Variants in DCDC2C observed in about 807,000 individuals in gnomAD.
DCDC2C encodes the protein doublecortin domain-containing protein 2C.
A neutral mutation model predicts 45.0 loss-of-function variants in DCDC2C; 44 were observed. The ratio of observed to expected loss-of-function variants is 0.98; its 90% CI spans 0.77 to 1.26. The LOEUF (loss-of-function observed/expected upper bound fraction) is 1.26. Among genes scored for constraint, DCDC2C ranks in the 50% most tolerant of loss-of-function variants. The probability of loss-of-function intolerance (pLI) is 0.00; values close to 1 mark genes in which losing one functional copy is unlikely to be tolerated. For missense variants in DCDC2C, 447 were observed against 468.9 expected (o/e 0.95, Z 0.43); for synonymous variants, 187 against 178.8 (o/e 1.05, Z -0.37).
At chr2:3,805,518 A>T (rs1412889177) in intron 10 of DCDC2C, among the ~76,000 whole-genome samples, 3 of 152,220 alleles carry the variant, frequency 2.0e-5, no homozygotes, top group Non-Finnish European at 4.4e-5. Context: ...GCTGCCTTGC[A>T]TCAGCTGCAG....
rs1024492960 is a variant in DCDC2C, at chr2:3,761,388, C to T, written c.727-6366C>T. ...AATTAAGGAGGTGCGTGTGTGTGTG[C>T]GTGTGTGTGTGCGTGAAAACAGTTG... On this transcript the variant is annotated intron_variant, in intron 6 of 10. Transcript: ENST00000399143. The surrounding 1 kb of genome is among the most constrained non-coding windows in gnomAD (Gnocchi z 4.3). Among the ~76,000 whole-genome samples the T allele has an allele frequency of 3.3e-5, 5 of 151,840 alleles. No homozygotes were observed. The highest frequency in any genetic ancestry group is 4.8e-5 in the African/African-American group (2 of 41,352).
In DCDC2C at chr2:3,722,529, G is replaced by A. The variant is rs76011901; in HGVS notation, c.340-4474G>A. The stretch of plus-strand genomic sequence containing the variant: ...CACCTGTGGTCATCTTGAGTCTTCC[G>A]TCTTTGATTTAGATTTGGTTGAATT... On this transcript the variant is annotated intron_variant, in intron 2 of 10. Transcript: ENST00000399143. 5.2e-3 allele frequency among the ~76,000 whole-genome samples: 794 copies of A among 152,260 alleles called. 25 individuals are homozygous for A. In the East Asian group the frequency reaches 0.1, roughly 19 times the overall value.
intron 8 of DCDC2C, among the ~76,000 whole-genome samples, chr2:3,770,951 C>T (rs1670147790): frequency 6.6e-6 from 1 of 152,190 alleles, no homozygotes. Flanking sequence ...GGAGGGGCTT[C>T]CAGAAAGCGT....
rs561991567 is a variant in DCDC2C, at chr2:3,820,386, A to G, written c.1066-26768A>G. On this transcript the variant is annotated intron_variant, in intron 10 of 10. Coordinates refer to ENST00000399143, the MANE Select transcript of DCDC2C (RefSeq NM_001287444.2). The stretch of plus-strand genomic sequence containing the variant: ...GGGAATGGAGGGTGGAAAGTTGCCC[A>G]TAATGAAGCAGGCAAGCCCAGAGAA... Among the ~76,000 whole-genome samples, 51 of 152,304 alleles carry G rather than the reference A, an allele frequency of 3.3e-4. No individual in the cohort carries two copies. In the Middle Eastern group the frequency reaches 0.014, roughly 41 times the overall value.
At chr2:3,845,148 C>T (rs185420810) in intron 10 of DCDC2C, among the ~76,000 whole-genome samples, 14 of 152,240 alleles carry the variant, frequency 9.2e-5, no homozygotes, top group South Asian at 4.2e-4. Context: ...AGGGTATGCA[C>T]GAGGTCTGTG....
intron 4 of DCDC2C, among the ~76,000 whole-genome samples, chr2:3,744,096 C>G (rs560193596): frequency 6.8e-6 from 1 of 146,732 alleles, no homozygotes; most frequent in African/African-American, 2.7e-5. Context: ...GGAGGATTGC[C>G]GAGCAGGGTT....
intron 8 of DCDC2C, among the ~76,000 whole-genome samples, chr2:3,771,593 C>A (rs1299013871): frequency 6.6e-6 from 1 of 152,260 alleles, no homozygotes; most frequent in Non-Finnish European, 1.5e-5. Flanking sequence ...TAGGACTCTT[C>A]ATGACACACA....
chr2:3,726,682 G>T (rs1170377759), intron 2 of DCDC2C, among the ~76,000 whole-genome samples: 1 of 152,186 alleles, frequency 6.6e-6, no homozygotes, highest in Non-Finnish European at 1.5e-5. Context: ...GGACCATGGG[G>T]AGCCTCCCTA....
chr2:3,841,657 G>A (rs760879769), intron 10 of DCDC2C, among the ~76,000 whole-genome samples: 1 of 152,160 alleles, frequency 6.6e-6, no homozygotes, highest in South Asian at 2.1e-4. Flanking sequence ...CCCTCTAGTC[G>A]GGGAGACAGA....
intron 9 of DCDC2C, among the ~76,000 whole-genome samples, chr2:3,779,222 G>A (rs1291088109): frequency 1.3e-5 from 2 of 152,254 alleles, no homozygotes; most frequent in African/African-American, 4.8e-5. Flanking sequence ...GGCAGCAGGT[G>A]TGCAGGTGGC....
At chr2:3,806,101 G>T (rs1558235975) in intron 10 of DCDC2C, among the ~76,000 whole-genome samples, 1 of 152,142 alleles carries the variant, frequency 6.6e-6, no homozygotes, top group Non-Finnish European at 1.5e-5. Flanking sequence ...CTCCCAAAGT[G>T]CTGGGTTTAC....
At chr2:3,714,411 A>G (rs1204471512) in intron 2 of DCDC2C, among the ~76,000 whole-genome samples, 1 of 152,164 alleles carries the variant, frequency 6.6e-6, no homozygotes, top group African/African-American at 2.4e-5. Flanking sequence ...ATAGTACAAC[A>G]TTGAGATTTC....
intron 1 of DCDC2C, 43 bp from the exon 2 acceptor site, chr2:3,708,506 A>C (rs1308630139): frequency 1.4e-5 from 21 of 1,458,428 alleles, no homozygotes; most frequent in Non-Finnish European, 1.9e-5. Context: ...TTCTATGTAA[A>C]TATCTTCCTT....
chr2:3,783,791 G>C (rs911367415), intron 9 of DCDC2C, among the ~76,000 whole-genome samples: 2 of 152,228 alleles, frequency 1.3e-5, no homozygotes, highest in Non-Finnish European at 2.9e-5. Context: ...AAAGATGAAG[G>C]TGGATATTCA....
chr2:3,809,204 T>C (rs1671329828), intron 10 of DCDC2C, among the ~76,000 whole-genome samples: 1 of 152,210 alleles, frequency 6.6e-6, no homozygotes, highest in Admixed American at 6.5e-5. Context: ...TCAACATTGT[T>C]TTGAGCTATT....
intron 10 of DCDC2C, among the ~76,000 whole-genome samples, chr2:3,843,561 G>A (rs781280273): frequency 2.4e-4 from 36 of 152,192 alleles, no homozygotes; most frequent in Non-Finnish European, 4.3e-4. Flanking sequence ...GGTAATGTTA[G>A]CATCAGGAAA....
chr2:3,835,052 C>T (rs1431618858), intron 10 of DCDC2C, among the ~76,000 whole-genome samples: 1 of 152,218 alleles, frequency 6.6e-6, no homozygotes, highest in African/African-American at 2.4e-5. Flanking sequence ...ATTTGTCTTG[C>T]TCCAAAGCTT....
At chr2:3,769,496 C>T in intron 8 of DCDC2C, 85 bp downstream of exon 8, 2 of 1,205,326 alleles carry the variant, frequency 1.7e-6, no homozygotes, top group Non-Finnish European at 1.2e-6. Context: ...TTCACCCTCT[C>T]CCTGCAAATT....
intron 10 of DCDC2C, among the ~76,000 whole-genome samples, chr2:3,791,865 G>T (rs1203168973): frequency 6.6e-6 from 1 of 152,242 alleles, no homozygotes; most frequent in Non-Finnish European, 1.5e-5. Context: ...GGCATTCTGT[G>T]TCCCTCTGGT....
Sources: gnomAD v4.1 joint callset for allele counts (sites outside exome capture counted in the v4.1 genomes callset) on GRCh38, gnomAD v4.1.1 for gene constraint, Gnocchi (gnomAD v3.1) non-coding constraint, MANE v1.5 for transcripts, NCBI Gene and HGNC (gene_info 2026-07-23, HGNC 2026-07-21) for gene names.